The following DNAH8 variants were observed in gnomAD, a reference collection of about 807,000 sequenced individuals.
The protein encoded by DNAH8 is axonemal beta dynein heavy chain 8.
In DNAH8, 382 loss-of-function variants were observed where a neutral mutation model predicts 562.1. The ratio of observed to expected loss-of-function variants is 0.68; its 90% CI spans 0.63 to 0.74. DNAH8 has a LOEUF of 0.74. Ranked by LOEUF, DNAH8 falls within the 30% of genes least tolerant of loss-of-function variation. DNAH8 has a pLI of 0.00. For missense variants in DNAH8, 5,203 were observed against 5,620.4 expected (o/e 0.93, Z 2.37); for synonymous variants, 1,881 against 1,919.4 (o/e 0.98, Z 0.52).
At chr6:38,788,326 A>G (rs1769377569) in intron 18 of DNAH8, among the ~76,000 whole-genome samples, 1 of 151,956 alleles carries the variant, frequency 6.6e-6, no homozygotes, top group Non-Finnish European at 1.5e-5. Flanking sequence ...TAATTTTTGT[A>G]TTTTTAGTAG....
chr6:38,788,747 A>G (rs1769425679), intron 18 of DNAH8, among the ~76,000 whole-genome samples: 1 of 152,046 alleles, frequency 6.6e-6, no homozygotes, highest in Non-Finnish European at 1.5e-5. Context: ...CATTTTCTTG[A>G]TGGTGTTCTT....
chr6:38,734,744 A>G lies in DNAH8; in HGVS notation c.762+119A>G, dbSNP rs574442203. ...TAGGACTGAATTGAGTTCCAAGAAAATAAATGTATTCATATATTAAAAAAA... is the reference window on the plus strand; with the variant it reads ...TAGGACTGAATTGAGTTCCAAGAAAGTAAATGTATTCATATATTAAAAAAA... On this transcript the variant is annotated intron_variant, in intron 5 of 92. Transcript: ENST00000327475. 2.0e-5 allele frequency: 22 copies of G among 1,108,018 alleles called. No individual in the cohort carries two copies. The African/African-American group carries it at 3.2e-4, about 16-fold the overall frequency. The allele number at this position is 1,108,018 out of a possible 1,614,324, so 68.6% of individuals were successfully genotyped here. A position where few individuals can be genotyped will look rare whatever the true frequency, so the allele number is the denominator to read the frequency against.
At chr6:38,757,715 G>A (rs985735077) in intron 10 of DNAH8, among the ~76,000 whole-genome samples, 1 of 152,176 alleles carries the variant, frequency 6.6e-6, no homozygotes, top group Non-Finnish European at 1.5e-5. Context: ...GTAAGGAAGG[G>A]ATCCATTTTC....
chr6:38,715,577 C>G (rs1762209789), intron 1 of DNAH8, among the ~76,000 whole-genome samples, 162 bp downstream of exon 1: 1 of 152,222 alleles, frequency 6.6e-6, no homozygotes, highest in Non-Finnish European at 1.5e-5. Context: ...ACCCCTGCTT[C>G]AAAACCCCAG....
intron 22 of DNAH8, among the ~76,000 whole-genome samples, chr6:38,803,891 A>G (rs1469056854): frequency 6.6e-6 from 1 of 152,094 alleles, no homozygotes; most frequent in Non-Finnish European, 1.5e-5. Flanking sequence ...GGAAGAAAAC[A>G]TGATATGGAA....
At chr6:38,878,864 A>G (rs1274224614) in intron 53 of DNAH8, among the ~76,000 whole-genome samples, 1 of 152,204 alleles carries the variant, frequency 6.6e-6, no homozygotes, top group Non-Finnish European at 1.5e-5. Flanking sequence ...TTTTCAACAC[A>G]AAAAAATGAT....
chr6:38,816,590 G>A (rs1233520283), intron 26 of DNAH8, among the ~76,000 whole-genome samples: 1 of 152,042 alleles, frequency 6.6e-6, no homozygotes, highest in East Asian at 1.9e-4. Context: ...TATTCCTTCG[G>A]GTATATACCC....
chr6:38,965,485 A>T (rs1762909049), intron 82 of DNAH8, among the ~76,000 whole-genome samples: 1 of 152,226 alleles, frequency 6.6e-6, no homozygotes, highest in African/African-American at 2.4e-5. Context: ...GTATTTTTCA[A>T]ACCTTTTAAT....
chr6:38,725,805 C>T (rs7761815), intron 3 of DNAH8, among the ~76,000 whole-genome samples: 1 of 152,016 alleles, frequency 6.6e-6, no homozygotes, highest in African/African-American at 2.4e-5. Context: ...TAAATGTCTC[C>T]CATTTTCATT....
At chr6:38,805,451 T>G in intron 22 of DNAH8, 30 bp from the exon 23 acceptor site, 1 of 1,379,946 alleles carries the variant, frequency 7.2e-7, no homozygotes, top group Non-Finnish European at 1.0e-6. Flanking sequence ...AAGTCAAATG[T>G]TATATTTTTG....
intron 85 of DNAH8, among the ~76,000 whole-genome samples, chr6:38,975,894 G>C (rs912373416): frequency 6.6e-6 from 1 of 152,208 alleles, no homozygotes; most frequent in South Asian, 2.1e-4. Flanking sequence ...GAGCTGGTTG[G>C]GGGTATTTGC....
At chr6:38,986,023 G>A (rs562399741) in intron 87 of DNAH8, among the ~76,000 whole-genome samples, 1 of 152,314 alleles carries the variant, frequency 6.6e-6, no homozygotes, top group Admixed American at 6.5e-5. Context: ...TGAGCACCAT[G>A]GCATACTATT....
intron 91 of DNAH8, among the ~76,000 whole-genome samples, chr6:39,015,687 T>A (rs1766521535): frequency 1.3e-5 from 2 of 152,252 alleles, no homozygotes; most frequent in Admixed American, 1.3e-4. Context: ...TTCGGGTATG[T>A]CTTTATAGCA....
In DNAH8 at chr6:38,847,187, C is replaced by A. The variant is rs115029100; in HGVS notation, c.5045+1414C>A. ...CCCTGATTCCATGGGACTTCATGGG[C>A]CATGGTGGGTTTGACCACACAAAGT... On this transcript the variant is annotated intron_variant, in intron 36 of 92. Coordinates refer to ENST00000327475, the MANE Select transcript of DNAH8 (RefSeq NM_001206927.2). 3.7e-3 allele frequency among the ~76,000 whole-genome samples: 570 copies of A among 152,292 alleles called. 5 individuals carry two copies. Among genetic ancestry groups the A allele is most frequent in the African/African-American group, 0.013 (544 of 41,570 alleles).
intron 30 of DNAH8, among the ~76,000 whole-genome samples, chr6:38,830,588 T>A (rs1217367469): frequency 7.6e-6 from 1 of 131,496 alleles, no homozygotes; most frequent in Non-Finnish European, 1.5e-5. Flanking sequence ...TGAGCCGAGA[T>A]CGCGCCACTG....
intron 91 of DNAH8, among the ~76,000 whole-genome samples, chr6:39,015,809 G>T (rs1766529452): frequency 6.6e-6 from 1 of 152,064 alleles, no homozygotes; most frequent in Admixed American, 6.6e-5. Flanking sequence ...GTTAGACTTT[G>T]ATTCTTTCTC....
chr6:38,745,250 A>G (rs1320775349), intron 8 of DNAH8, among the ~76,000 whole-genome samples: 1 of 152,200 alleles, frequency 6.6e-6, no homozygotes, highest in Non-Finnish European at 1.5e-5. Flanking sequence ...CTTAATGCTC[A>G]TGCCATTTGC....
chr6:38,936,857 T>A (rs1358285061), intron 77 of DNAH8, among the ~76,000 whole-genome samples: 1 of 152,164 alleles, frequency 6.6e-6, no homozygotes, highest in Non-Finnish European at 1.5e-5. Context: ...TTGTCTGCCA[T>A]CCCGAACTCT....
intron 21 of DNAH8, among the ~76,000 whole-genome samples, chr6:38,795,185 T>C (rs1770115443): frequency 6.6e-6 from 1 of 152,226 alleles, no homozygotes; most frequent in African/African-American, 2.4e-5. Flanking sequence ...CCCAATGTTG[T>C]ATAACCATCA....
Sources: allele counts gnomAD v4.1 joint callset (sites outside exome capture counted in the v4.1 genomes callset), GRCh38; gene constraint gnomAD v4.1.1; transcripts MANE v1.5; gene names NCBI Gene and HGNC (gene_info 2026-07-23, HGNC 2026-07-21).